The following ADGRL3 variants were observed in gnomAD, a reference collection of about 807,000 sequenced individuals.
ADGRL3 encodes adhesion G protein-coupled receptor L3.
ADGRL3 carries 62 observed loss-of-function variants against 153.5 expected under a neutral mutation model. The observed-to-expected ratio is 0.40, with a 90% CI of 0.33 to 0.50. ADGRL3 has a LOEUF of 0.50. Ranked by LOEUF, ADGRL3 falls within the 20% of genes least tolerant of loss-of-function variation. ADGRL3 has a pLI of 0.47. For synonymous variants in ADGRL3, 710 were observed against 672.5 expected (o/e 1.06, Z -0.86); for missense variants, 1,641 against 1,859.4 (o/e 0.88, Z 2.16).
In ADGRL3 at chr4:62,076,846, G is replaced by A. The variant is rs1747306923; in HGVS notation, c.*5938G>A. On this transcript the variant is annotated 3_prime_UTR_variant, in exon 27 of 27. Transcript: ENST00000683033. ...CAGAGTTAATGCTTTTAGTAGCTTT[G>A]TACCTTTTAAAGCTCTATTATGAAT... 1 of 151,536 alleles carries A rather than the reference G, an allele frequency of 6.6e-6. No individual in the cohort carries two copies. Among genetic ancestry groups the A allele is most frequent in the African/African-American group, 2.4e-5 (1 of 41,330 alleles). The allele number at this position is 151,536 out of a possible 1,614,324, so 9.4% of individuals were successfully genotyped here. A position where few individuals can be genotyped will look rare whatever the true frequency, so the allele number is the denominator to read the frequency against.
At chr4:61,357,535 T>A (rs796099897) in intron 1 of ADGRL3, among the ~76,000 whole-genome samples, 1 of 152,282 alleles carries the variant, frequency 6.6e-6, no homozygotes, top group African/African-American at 2.4e-5. Flanking sequence ...TACATAGTTG[T>A]AATATTCCTA....
rs557258901 is a variant in ADGRL3 at position 61,677,705 on chromosome 4, G to A, written c.583+770G>A. On this transcript the variant is annotated intron_variant, in intron 6 of 26. Transcript: ENST00000683033. ...TAATAGATATTCAGCTTATCCCAGAGATAGAAAACACCTGGGATCATAAAC... is the reference window on the plus strand; with the variant it reads ...TAATAGATATTCAGCTTATCCCAGAAATAGAAAACACCTGGGATCATAAAC... 1.1e-4 allele frequency among the ~76,000 whole-genome samples: 16 copies of A among 152,050 alleles called. No individual in the cohort carries two copies. The South Asian group carries it at 3.3e-3, about 32-fold the overall frequency.
At chr4:61,522,006 T>A (rs1372249059) in intron 4 of ADGRL3, among the ~76,000 whole-genome samples, 1 of 152,104 alleles carries the variant, frequency 6.6e-6, no homozygotes, top group East Asian at 1.9e-4. Context: ...TTGGCCCAGA[T>A]GTGATAAGAT....
intron 22 of ADGRL3, among the ~76,000 whole-genome samples, chr4:62,029,324 T>C (rs894568565): frequency 4.0e-5 from 6 of 151,878 alleles, no homozygotes; most frequent in African/African-American, 1.4e-4. Flanking sequence ...CAATTGATAT[T>C]AATGAATTGC....
intron 13 of ADGRL3, among the ~76,000 whole-genome samples, chr4:61,916,957 A>G (rs1257739833): frequency 1.3e-5 from 2 of 152,134 alleles, no homozygotes; most frequent in Non-Finnish European, 2.9e-5. Context: ...CATCTCCAAA[A>G]AAAAATAAAA....
intron 8 of ADGRL3, among the ~76,000 whole-genome samples, chr4:61,757,750 G>T (rs2096855024): frequency 6.6e-6 from 1 of 152,058 alleles, no homozygotes; most frequent in Non-Finnish European, 1.5e-5. Context: ...TTTCTCTTGT[G>T]GGCATTTAGT....
intron 6 of ADGRL3, among the ~76,000 whole-genome samples, chr4:61,703,610 G>GAA (rs147140844): frequency 4.1e-5 from 6 of 146,576 alleles, no homozygotes; most frequent in African/African-American, 1.0e-4. Flanking sequence ...TAAGATTTTA[G>GAA]AAAAAAAAAA....
At chr4:61,486,378 C>T (rs1189810352) in intron 2 of ADGRL3, among the ~76,000 whole-genome samples, 2 of 152,104 alleles carry the variant, frequency 1.3e-5, no homozygotes, top group Non-Finnish European at 2.9e-5. Context: ...CACACATTGT[C>T]ACTAGATGCG....
chr4:61,764,443 A>G, intron 8 of ADGRL3, among the ~76,000 whole-genome samples: 6 of 115,994 alleles, frequency 5.2e-5, no homozygotes, highest in Admixed American at 3.5e-4. Flanking sequence ...AGTGGGCAGG[A>G]GTGGGGGTCG....
At chr4:61,991,999 C>T (rs1386484346) in intron 19 of ADGRL3, among the ~76,000 whole-genome samples, 1 of 149,640 alleles carries the variant, frequency 6.7e-6, no homozygotes, top group Non-Finnish European at 1.5e-5. Flanking sequence ...TTTCTCAAGT[C>T]TCTTATGTCT....
chr4:61,752,670 A>C (rs542922855), intron 8 of ADGRL3, among the ~76,000 whole-genome samples: 5 of 152,126 alleles, frequency 3.3e-5, no homozygotes, highest in Non-Finnish European at 7.4e-5. Context: ...AGAGGCTCAC[A>C]ACCTGTAATG....
chr4:61,961,309 C>T (rs551288838), intron 17 of ADGRL3, among the ~76,000 whole-genome samples: 5 of 152,244 alleles, frequency 3.3e-5, no homozygotes, highest in Admixed American at 1.3e-4. Context: ...TCTTTTAATT[C>T]CCCAGGTTGT....
At chr4:61,460,855 G>A (rs377330544) in intron 2 of ADGRL3, among the ~76,000 whole-genome samples, 1 of 152,214 alleles carries the variant, frequency 6.6e-6, no homozygotes, top group East Asian at 1.9e-4. Flanking sequence ...GATCACCTGA[G>A]ATCAGAAGTT....
At chr4:62,052,381 T>G (rs150664782) in intron 25 of ADGRL3, among the ~76,000 whole-genome samples, 49 of 151,714 alleles carry the variant, frequency 3.2e-4, no homozygotes, top group African/African-American at 1.1e-3. Context: ...CTAAAATTCC[T>G]TCCTGTACTA....
At chr4:61,630,582 C>T (rs955515575) in intron 5 of ADGRL3, among the ~76,000 whole-genome samples, 2 of 152,002 alleles carry the variant, frequency 1.3e-5, no homozygotes, top group Admixed American at 1.3e-4. Flanking sequence ...TTATTTTTGT[C>T]ATTGTTAAAT....
At position 61,374,286 on chromosome 4, in the gene ADGRL3, T is replaced by C. The variant is rs140646925; in HGVS notation, c.-239-8838T>C. On this transcript the variant is annotated intron_variant, in intron 1 of 26. Transcript: ENST00000683033. ...GAGCTTTAGGTATTTCTTCTGGATG[T>C]CAGTTTGTCAATACTCTGCTTTTGC... Among the ~76,000 whole-genome samples the C allele has an allele frequency of 2.6e-3, 392 of 152,336 alleles. 1 individual carries two copies. The highest frequency in any genetic ancestry group is 4.6e-3 in the Non-Finnish European group (313 of 68,032).
At chr4:62,005,967 TACACACACAC>T (rs59783179) in intron 21 of ADGRL3, among the ~76,000 whole-genome samples, 13 of 67,716 alleles carry the variant, frequency 1.9e-4, no homozygotes, top group East Asian at 1.3e-3. Flanking sequence ...TATATACACA[TACACACACAC>T]ACACACACAC....
At position 61,368,011 on chromosome 4, in the gene ADGRL3, T is replaced by C. The variant is rs570615431; in HGVS notation, c.-239-15113T>C. Among the ~76,000 whole-genome samples, 461 of 151,670 alleles carry C rather than the reference T, an allele frequency of 3.0e-3. 3 individuals carry two copies. Among genetic ancestry groups the C allele is most frequent in the African/African-American group, 9.9e-3 (411 of 41,310 alleles). Reference sequence around the variant, plus strand: ...CAGTGATGGTGAGCATTTTTTCATGTGTTTTTTGGCTGCATAAATGTCTTC... The same window carrying C: ...CAGTGATGGTGAGCATTTTTTCATGCGTTTTTTGGCTGCATAAATGTCTTC... On this transcript the variant is annotated intron_variant, in intron 1 of 26. Transcript: ENST00000683033.
At chr4:61,700,920 C>T (rs1298638016) in intron 6 of ADGRL3, among the ~76,000 whole-genome samples, 2 of 152,138 alleles carry the variant, frequency 1.3e-5, no homozygotes, top group African/African-American at 4.8e-5. Flanking sequence ...TAATTTAATT[C>T]TTAAAACTTG....
Sources: gnomAD v4.1 joint callset for allele counts (sites outside exome capture counted in the v4.1 genomes callset) on GRCh38, gnomAD v4.1.1 for gene constraint, MANE v1.5 for transcripts, NCBI Gene and HGNC (gene_info 2026-07-23, HGNC 2026-07-21) for gene names.